Variants in SORL1 observed in about 807,000 individuals in gnomAD.
The protein encoded by SORL1 is sortilin-related receptor.
In SORL1, 127 loss-of-function variants were observed where a neutral mutation model predicts 273.7. The observed-to-expected ratio is 0.46, with a 90% CI of 0.40 to 0.54. SORL1 has a LOEUF of 0.54. SORL1 is among the 20% of genes least tolerant of loss of function. The probability of loss-of-function intolerance (pLI) is 0.00; values close to 1 mark genes in which losing one functional copy is unlikely to be tolerated. For missense variants in SORL1, 2,494 were observed against 2,846.1 expected, an observed-to-expected ratio of 0.88 and a Z score of 2.81; for synonymous variants, 1,031 against 1,067.4, an observed-to-expected ratio of 0.97 and a Z score of 0.66.
chr11:121,522,828 C>A, intron 10 of SORL1, 88 bp from the exon 11 acceptor site: 1 of 1,368,998 alleles, frequency 7.3e-7, no homozygotes, highest in Non-Finnish European at 1.0e-6. Context: ...TTCTTAGTTG[C>A]TAGATACTAC....
At position 121,590,176 on chromosome 11, in the gene SORL1, T is replaced by C. The variant is rs779482446; in HGVS notation, c.4213+2T>C. Reference sequence around the variant, plus strand: ...GGTCTGATGAGAAGGATTGTGGAGGTAAGAGGCCCCTGGGGCCTGGGTTAG... The same window carrying C: ...GGTCTGATGAGAAGGATTGTGGAGGCAAGAGGCCCCTGGGGCCTGGGTTAG... On this transcript the variant is annotated splice_donor_variant, in intron 30 of 47. Coordinates refer to ENST00000260197, the MANE Select transcript of SORL1 (RefSeq NM_003105.6). LOFTEE classifies it high-confidence loss of function. 6.2e-7 allele frequency: 1 copy of C among 1,613,680 alleles called. No individual in the cohort carries two copies. Among genetic ancestry groups the C allele is most frequent in the South Asian group, 1.1e-5 (1 of 91,050 alleles).
At chr11:121,567,404 G>A (rs1271346131) in intron 22 of SORL1, among the ~76,000 whole-genome samples, 4 of 152,170 alleles carry the variant, frequency 2.6e-5, no homozygotes, top group African/African-American at 9.7e-5. Flanking sequence ...TTTCTTCAGG[G>A]TCTCCCTTTT....
Position 121,584,863 on chromosome 11 carries a change from C to T in SORL1, c.3706+1280C>T, listed in dbSNP as rs149614680. Among the ~76,000 whole-genome samples the T allele has an allele frequency of 1.3e-3, 205 of 152,174 alleles. 1 individual carries two copies. Among genetic ancestry groups the T allele is most frequent in the African/African-American group, 4.6e-3 (193 of 41,520 alleles). On this transcript the variant is annotated intron_variant, in intron 26 of 47. Coordinates refer to ENST00000260197, the MANE Select transcript of SORL1 (RefSeq NM_003105.6). ...CCCACCTTGGCCTCCCAAAGTGCTG[C>T]GATTATAGGCACGAGCCACTGCGCC... is the stretch of plus-strand genomic sequence containing the variant.
rs753732264 is a variant in SORL1 at position 121,559,592 on chromosome 11, A to G, written c.2984A>G (p.Glu995Gly). ...RASKYSGSQMEILANQLTGLM... is the reference protein window; with the variant it reads ...RASKYSGSQMGILANQLTGLM... ...TCCAAATACAGTGGGTCCCAGATGG[A>G]GATTCTGGCAAACCAGCTCACGGGG... is the stretch of plus-strand genomic sequence containing the variant. Residue 995 changes from glutamate to glycine, a missense_variant, in exon 21 of 48, where the codon GAG (glutamate) becomes GGG (glycine). By Grantham distance (98) the Glu-to-Gly change is moderately conservative. Coordinates refer to ENST00000260197, the MANE Select transcript of SORL1 (RefSeq NM_003105.6). 43 of 1,613,936 alleles carry G rather than the reference A, an allele frequency of 2.7e-5. No homozygotes were observed. Among genetic ancestry groups the G allele is most frequent in the Admixed American group, 1.7e-4 (10 of 60,000 alleles).
rs192728928 is a variant in SORL1 at position 121,542,912 on chromosome 11, T to C, written c.1686-636T>C. Among the ~76,000 whole-genome samples the C allele has an allele frequency of 1.1e-3, 162 of 151,216 alleles. 1 individual carries two copies. The highest frequency in any genetic ancestry group is 3.9e-3 in the African/African-American group (162 of 41,310). On this transcript the variant is annotated intron_variant, in intron 12 of 47. Transcript: ENST00000260197. ...AAAATTGGGGGCCAGACACGGTGGC[T>C]CATGACTGTAATCCCAGCACTTTGG...
chr11:121,458,181 G>A (rs1015190885), intron 1 of SORL1, among the ~76,000 whole-genome samples: 3 of 152,076 alleles, frequency 2.0e-5, no homozygotes, highest in South Asian at 2.1e-4. Context: ...TAAAGCATTC[G>A]TTTACCTTCC....
At chr11:121,515,849 G>T (rs1260133712) in intron 8 of SORL1, among the ~76,000 whole-genome samples, 4 of 152,006 alleles carry the variant, frequency 2.6e-5, no homozygotes, top group Non-Finnish European at 1.5e-5. Flanking sequence ...ACAGCACCAT[G>T]TTGGCCAGGC....
In SORL1 at chr11:121,595,573, GC is replaced by G. The variant is rs1201593936; in HGVS notation, c.4370-48del. The G allele has an allele frequency of 8.7e-6, 13 of 1,497,140 alleles. No individual in the cohort carries two copies. In the African/African-American group the frequency reaches 1.5e-4, roughly 18 times the overall value. The allele number at this position is 1,497,140 out of a possible 1,614,324, so 92.7% of individuals were successfully genotyped here. On this transcript the variant is annotated intron_variant, in intron 31 of 47. Coordinates refer to ENST00000260197, the MANE Select transcript of SORL1 (RefSeq NM_003105.6). This position sits in a 1 kb window ranked among gnomAD's most constrained non-coding sequence, Gnocchi z 5.1. ...GCATATTGATTGGTTGCTGTTATTG[GC>G]CAGCTCCCTCAATATTAAAAAGTAA...
intron 23 of SORL1, among the ~76,000 whole-genome samples, chr11:121,570,955 CATT>C (rs1862832881): frequency 6.6e-6 from 1 of 152,204 alleles, no homozygotes; most frequent in African/African-American, 2.4e-5. Flanking sequence ...ATAGCTTCGA[CATT>C]ATCTTATAAG....
At chr11:121,608,835 C>G (rs569529545) in intron 38 of SORL1, 6 of 152,592 alleles carry the variant, frequency 3.9e-5, no homozygotes, top group African/African-American at 1.4e-4. Flanking sequence ...AAAGCCTGTG[C>G]TCTTAACCAC....
intron 18 of SORL1, among the ~76,000 whole-genome samples, chr11:121,555,768 C>G (rs1162922841): frequency 6.6e-6 from 1 of 152,112 alleles, no homozygotes; most frequent in African/African-American, 2.4e-5. Context: ...ATCATTGCCA[C>G]TGTTATTAAT....
chr11:121,567,124 T>G lies in SORL1; in HGVS notation c.3223+11T>G. 1 of 1,606,608 alleles carries G rather than the reference T, an allele frequency of 6.2e-7. No individual in the cohort carries two copies. The highest frequency in any genetic ancestry group is 8.5e-7 in the Non-Finnish European group (1 of 1,175,718). On this transcript the variant is annotated intron_variant, in intron 22 of 47. Coordinates refer to ENST00000260197, the MANE Select transcript of SORL1 (RefSeq NM_003105.6). ...CCTGTGTCAAACAAGGTACTTCCCTTTTTCTTTTTTGCCTGTCATCCTCCT... is the reference window on the plus strand; with the variant it reads ...CCTGTGTCAAACAAGGTACTTCCCTGTTTCTTTTTTGCCTGTCATCCTCCT...
chr11:121,583,797 C>T (rs958617089), intron 26 of SORL1, among the ~76,000 whole-genome samples: 1 of 152,168 alleles, frequency 6.6e-6, no homozygotes, highest in African/African-American at 2.4e-5. Context: ...AAGCAGTTTG[C>T]CCCACACACA....
chr11:121,508,242 C>A (rs894390778), intron 6 of SORL1, among the ~76,000 whole-genome samples: 2 of 152,182 alleles, frequency 1.3e-5, no homozygotes, highest in Admixed American at 6.5e-5. Context: ...AGGTAAGAGA[C>A]TAGACCCCGT....
rs1373020974 is a variant in SORL1, at chr11:121,550,559, C to T, written c.2181-26C>T. 1 of 1,609,468 alleles carries T rather than the reference C, an allele frequency of 6.2e-7. No homozygotes were observed. Among genetic ancestry groups the T allele is most frequent in the Non-Finnish European group, 8.5e-7 (1 of 1,175,912 alleles). On this transcript the variant is annotated intron_variant, in intron 15 of 47. Coordinates refer to ENST00000260197, the MANE Select transcript of SORL1 (RefSeq NM_003105.6). The surrounding 1 kb of genome is among the most constrained non-coding windows in gnomAD (Gnocchi z 5.3). ...GTGGCTATTCTTCCATGTTTCTGAC[C>T]TCTTGCTCTTGGGGTGGGGTGACAG...
At position 121,588,166 on chromosome 11, in the gene SORL1, G is replaced by T; in HGVS notation, c.3946+15G>T. 1.2e-6 allele frequency: 2 copies of T among 1,612,028 alleles called. No individual in the cohort carries two copies. Among genetic ancestry groups the T allele is most frequent in the Non-Finnish European group, 1.7e-6 (2 of 1,178,816 alleles). On this transcript the variant is annotated intron_variant, in intron 28 of 47. Coordinates refer to ENST00000260197, the MANE Select transcript of SORL1 (RefSeq NM_003105.6). ...TGCAGGATGCTGTGAGTTGGGGCAG[G>T]CAGGGGAGGTGACTCACGGTCACTA...
At chr11:121,579,766 G>T (rs1213655078) in intron 25 of SORL1, among the ~76,000 whole-genome samples, 1 of 152,142 alleles carries the variant, frequency 6.6e-6, no homozygotes, top group Admixed American at 6.5e-5. Flanking sequence ...CCACACTTCT[G>T]CATAGGCACA....
chr11:121,456,338 A>G (rs1860905003), intron 1 of SORL1, among the ~76,000 whole-genome samples: 1 of 152,224 alleles, frequency 6.6e-6, no homozygotes, highest in South Asian at 2.1e-4. Context: ...CCTTGAGGGC[A>G]TGGATCAAGT....
rs548524233 is a variant in SORL1 at position 121,591,713 on chromosome 11, G to T, written c.4369+557G>T. Among the ~76,000 whole-genome samples the T allele has an allele frequency of 2.6e-5, 4 of 152,304 alleles. No individual in the cohort carries two copies. In the South Asian group the frequency reaches 6.2e-4, roughly 24 times the overall value. On this transcript the variant is annotated intron_variant, in intron 31 of 47. Coordinates refer to ENST00000260197, the MANE Select transcript of SORL1 (RefSeq NM_003105.6). ...GCTCCTAACAGCAGGCGGAACAGAG[G>T]TGAGGATCCTGTGTTCTTTCCTAAG...
Sources: gnomAD v4.1 joint callset for allele counts (sites outside exome capture counted in the v4.1 genomes callset) on GRCh38, gnomAD v4.1.1 for gene constraint, Gnocchi (gnomAD v3.1) non-coding constraint, MANE v1.5 for transcripts, NCBI Gene and HGNC (gene_info 2026-07-23, HGNC 2026-07-21) for gene names.